Variants in CNOT2 observed in about 807,000 individuals in gnomAD.
The protein encoded by CNOT2 is CCR4-NOT transcription complex subunit 2.
A neutral mutation model predicts 72.1 loss-of-function variants in CNOT2; 7 were observed. That is an observed-to-expected ratio of 0.10 (90% confidence interval 0.06 to 0.18). The LOEUF (loss-of-function observed/expected upper bound fraction) is 0.18, where lower values mean the gene tolerates loss of function less well. Among genes scored for constraint, CNOT2 ranks in the 10% least tolerant of loss-of-function variants. The pLI is 1.00. For missense variants in CNOT2, 345 were observed against 660.3 expected (o/e 0.52, Z 5.23); for synonymous variants, 196 against 225.6 (o/e 0.87, Z 1.17).
chr12:70,322,304 T>C (rs930517352), intron 4 of CNOT2: 1 of 151,856 alleles, frequency 6.6e-6, no homozygotes, highest in Non-Finnish European at 1.5e-5. Flanking sequence ...GAAGACTTAC[T>C]GTACACCTTA....
intron 2 of CNOT2, among the ~76,000 whole-genome samples, chr12:70,288,126 T>C (rs1871212591): frequency 6.9e-6 from 1 of 144,186 alleles, no homozygotes. Flanking sequence ...ATTACAATTA[T>C]GGTGTAGCTC....
chr12:70,294,078 G>C, intron 2 of CNOT2: 1 of 1,270,192 alleles, frequency 7.9e-7, no homozygotes, highest in South Asian at 1.2e-5. Context: ...AAGAGCGGAA[G>C]AATCCCATCG....
intron 8 of CNOT2, chr12:70,336,237 A>G (rs915495756): frequency 6.6e-6 from 1 of 152,154 alleles, no homozygotes; most frequent in Non-Finnish European, 1.5e-5. Context: ...TGTATAGCTT[A>G]TGCAGACTCT....
chr12:70,293,572 G>A (rs533172567), intron 2 of CNOT2, among the ~76,000 whole-genome samples: 157 of 151,762 alleles, frequency 1.0e-3, no homozygotes, highest in African/African-American at 3.5e-3. Flanking sequence ...TTGATGGAGG[G>A]GTCCTTATTT....
chr12:70,353,594 C>T (rs1419597761), intron 15 of CNOT2, among the ~76,000 whole-genome samples: 1 of 151,898 alleles, frequency 6.6e-6, no homozygotes, highest in Non-Finnish European at 1.5e-5. Context: ...CATTAGTAGT[C>T]TCTTGACTTA....
rs549045569 is a variant in CNOT2, at chr12:70,285,035, A to G, written c.48+6761A>G. On this transcript the variant is annotated intron_variant, in intron 2 of 15. Coordinates refer to ENST00000229195, the MANE Select transcript of CNOT2 (RefSeq NM_014515.7). ...TGGCAACGTATGACGTAGACTTTAT[A>G]TATGAAATATGAAGTGTTCTCTTTC... is the stretch of plus-strand genomic sequence containing the variant. Among the ~76,000 whole-genome samples, 13 of 152,336 alleles carry G rather than the reference A, an allele frequency of 8.5e-5. No individual in the cohort carries two copies. In the South Asian group the frequency reaches 2.7e-3, roughly 32 times the overall value.
intron 11 of CNOT2, among the ~76,000 whole-genome samples, chr12:70,340,535 A>C (rs1446994623): frequency 6.6e-6 from 1 of 152,058 alleles, no homozygotes; most frequent in East Asian, 1.9e-4. Flanking sequence ...TCACCCCCCA[A>C]CTTATTCTGT....
At chr12:70,300,142 T>A (rs1008736804) in intron 2 of CNOT2, among the ~76,000 whole-genome samples, 1 of 152,226 alleles carries the variant, frequency 6.6e-6, no homozygotes, top group Non-Finnish European at 1.5e-5. Context: ...ATGAGTAGAT[T>A]GCAGAAATTT....
At chr12:70,291,091 A>C (rs1048966681) in intron 2 of CNOT2, among the ~76,000 whole-genome samples, 1 of 152,204 alleles carries the variant, frequency 6.6e-6, no homozygotes, top group Non-Finnish European at 1.5e-5. Flanking sequence ...TAACTTAAAA[A>C]TTGGACTGTT....
At chr12:70,309,388 A>T (rs1474085411) in intron 2 of CNOT2, among the ~76,000 whole-genome samples, 1 of 152,200 alleles carries the variant, frequency 6.6e-6, no homozygotes, top group Non-Finnish European at 1.5e-5. Context: ...TTCAGACCTC[A>T]GGAGGAAAGA....
chr12:70,309,397 G>T (rs1295951520), intron 2 of CNOT2, among the ~76,000 whole-genome samples: 1 of 152,136 alleles, frequency 6.6e-6, no homozygotes, highest in Non-Finnish European at 1.5e-5. Context: ...CAGGAGGAAA[G>T]ACAGTCAAAT....
chr12:70,342,858 A>G (rs535434724), intron 13 of CNOT2, among the ~76,000 whole-genome samples: 6 of 152,266 alleles, frequency 3.9e-5, no homozygotes, highest in Middle Eastern at 3.4e-3. Context: ...AATATTCACA[A>G]TGGTACCTAA....
At position 70,354,238 on chromosome 12, in the gene CNOT2, C is replaced by T. The variant is rs878948991; in HGVS notation, c.*323C>T. On this transcript the variant is annotated 3_prime_UTR_variant, in exon 16 of 16. Coordinates refer to ENST00000229195, the MANE Select transcript of CNOT2 (RefSeq NM_014515.7). ...CACTGACAGAAGTTTACCATAGTTT[C>T]TAAAATGTAAAAAAGAAAACCCCCA... is the stretch of plus-strand genomic sequence containing the variant. The T allele has an allele frequency of 9.9e-5, 28 of 282,508 alleles. No homozygotes were observed. The East Asian group carries it at 1.4e-3, about 14-fold the overall frequency. 17.5% of individuals were successfully genotyped at this position (282,508 alleles called of 1,614,324 possible).
chr12:70,293,099 A>G, intron 2 of CNOT2, among the ~76,000 whole-genome samples: 1 of 151,828 alleles, frequency 6.6e-6, no homozygotes, highest in East Asian at 1.9e-4. Context: ...TTCTTTGAAA[A>G]TAACTCACTT....
intron 1 of CNOT2, among the ~76,000 whole-genome samples, chr12:70,262,901 G>A (rs1958848941): frequency 6.6e-6 from 1 of 152,080 alleles, no homozygotes; most frequent in Admixed American, 6.5e-5. Context: ...TTGAATTCCT[G>A]ACCTCAGGTA....
At chr12:70,348,002 A>G (rs1209544194) in intron 15 of CNOT2, 1 of 152,166 alleles carries the variant, frequency 6.6e-6, no homozygotes, top group Non-Finnish European at 1.5e-5. Context: ...TTGACCTTCT[A>G]CAATTTTCTT....
intron 2 of CNOT2, among the ~76,000 whole-genome samples, chr12:70,281,798 C>T (rs1042412331): frequency 8.8e-6 from 1 of 113,352 alleles, no homozygotes. Context: ...GCCGTAGGAA[C>T]TAGTCACAAG....
intron 9 of CNOT2, chr12:70,338,197 C>G (rs769873710): frequency 3.1e-6 from 1 of 322,222 alleles, no homozygotes; most frequent in Non-Finnish European, 5.6e-6. Flanking sequence ...GACTGAAGAT[C>G]TGAGATAAAT....
chr12:70,311,789 C>T (rs1198829679), intron 3 of CNOT2, among the ~76,000 whole-genome samples: 1 of 151,960 alleles, frequency 6.6e-6, no homozygotes, highest in African/African-American at 2.4e-5. Flanking sequence ...TATAAACTTG[C>T]TATGCCAAAT....
Sources: gnomAD v4.1 joint callset for allele counts (sites outside exome capture counted in the v4.1 genomes callset) on GRCh38, gnomAD v4.1.1 for gene constraint, MANE v1.5 for transcripts, NCBI Gene and HGNC (gene_info 2026-07-23, HGNC 2026-07-21) for gene names.